Variants in SEMA4A observed in about 807,000 individuals in gnomAD.
SEMA4A encodes semaphorin 4A, also known as semaphorin-4A.
SEMA4A carries 52 observed loss-of-function variants against 72.5 expected under a neutral mutation model. That is an observed-to-expected ratio of 0.72 (90% CI 0.57 to 0.90). SEMA4A has a LOEUF of 0.90. SEMA4A is among the 40% of genes least tolerant of loss of function. The probability of loss-of-function intolerance (pLI) is 0.00; values close to 1 mark genes in which losing one functional copy is unlikely to be tolerated. For missense variants in SEMA4A, 926 were observed against 959.7 expected (o/e 0.96, Z 0.46); for synonymous variants, 369 against 393.1 (o/e 0.94, Z 0.73).
At position 156,162,989 on chromosome 1, in the gene SEMA4A, C is replaced by G; in HGVS notation, c.1029C>G (p.Leu343=). ...TRSSAVCAFS[L]LDIERVFKGK... ...GCTCTGCGGTTTGTGCCTTCTCTCT[C>G]TTGGACATTGAACGTGTCTTTAAGG... Residue 343 remains leucine (L), a synonymous_variant, in exon 10 of 15, where the codon CTC becomes CTG. Transcript: ENST00000368285. The G allele has an allele frequency of 6.2e-7, 1 of 1,614,130 alleles. No homozygotes were observed. The highest frequency in any genetic ancestry group is 8.5e-7 in the Non-Finnish European group (1 of 1,180,042).
At position 156,177,075 on chromosome 1, in the gene SEMA4A, G is replaced by T. The variant is rs1284595969; in HGVS notation, c.*78G>T. ...GCGGCCCAAGCACAGCCCTGACTAGGATGACAGCAGCACAAAAGACCACCT... is the reference window on the plus strand; with the variant it reads ...GCGGCCCAAGCACAGCCCTGACTAGTATGACAGCAGCACAAAAGACCACCT... On this transcript the variant is annotated 3_prime_UTR_variant, in exon 15 of 15. Transcript: ENST00000368285. 4 of 1,256,328 alleles carry T rather than the reference G, an allele frequency of 3.2e-6. No individual in the cohort carries two copies. In the Admixed American group the frequency reaches 7.1e-5, roughly 22 times the overall value. 77.8% of individuals were successfully genotyped at this position (1,256,328 alleles called of 1,614,324 possible).
At position 156,154,728 on chromosome 1, in the gene SEMA4A, G is replaced by A. The variant is rs773476159; in HGVS notation, c.139+11G>A. 428 of 1,576,214 alleles carry A rather than the reference G, an allele frequency of 2.7e-4. No individual in the cohort carries two copies. The highest frequency in any genetic ancestry group is 3.5e-4 in the Non-Finnish European group (411 of 1,161,000). The stretch of plus-strand genomic sequence containing the variant: ...TCAGATACTATGCAGGTAAGTGTCC[G>A]ACAGCAGGAAGTGTGGGGATAGCAA... On this transcript the variant is annotated intron_variant, in intron 2 of 14. Transcript: ENST00000368285.
chr1:156,156,877 GGCACTAGCAT>G (rs1301633707), intron 3 of SEMA4A, among the ~76,000 whole-genome samples: 1 of 151,632 alleles, frequency 6.6e-6, no homozygotes, highest in Non-Finnish European at 1.5e-5. Flanking sequence ...CCAAGTAGCT[GGCACTAGCAT>G]GCACCACCAT....
chr1:156,173,088 A>C, intron 11 of SEMA4A, 82 bp downstream of exon 11: 1 of 1,334,032 alleles, frequency 7.5e-7, no homozygotes, highest in Non-Finnish European at 1.1e-6. Flanking sequence ...CCTTGAGTTC[A>C]TTCACTTATT....
chr1:156,153,567 C>T (rs1342454299), upstream of SEMA4A: 1 of 152,384 alleles, frequency 6.6e-6, no homozygotes, highest in Non-Finnish European at 1.5e-5. Flanking sequence ...ATTCCGGTTT[C>T]CCTGGCCTAG....
intron 10 of SEMA4A, among the ~76,000 whole-genome samples, chr1:156,172,096 G>GTTTATTTA (rs71591932): frequency 4.2e-5 from 3 of 71,860 alleles, no homozygotes; most frequent in South Asian, 4.2e-4. Context: ...TTGTTTGTTT[G>GTTTATTTA]TTTATTTATT....
At chr1:156,167,475 CAAAAAAAAA>C (rs58793729) in intron 10 of SEMA4A, among the ~76,000 whole-genome samples, 1 of 103,640 alleles carries the variant, frequency 9.6e-6, no homozygotes, top group Non-Finnish European at 2.0e-5. Context: ...GACCCTGTCT[CAAAAAAAAA>C]AAAAAAAAAA....
intron 8 of SEMA4A, 38 bp from the exon 9 acceptor site, chr1:156,161,308 G>GCGGGGGGGGCCCCGGGGGCCCC: frequency 1.8e-6 from 2 of 1,082,016 alleles, no homozygotes; most frequent in Non-Finnish European, 2.5e-6. Flanking sequence ...GGGGGTCGGG[G>GCGGGGGGGGCCCCGGGGGCCCC]CGCCCGGGGC....
At chr1:156,166,815 G>A (rs1007258155) in intron 10 of SEMA4A, among the ~76,000 whole-genome samples, 1 of 152,042 alleles carries the variant, frequency 6.6e-6, no homozygotes, top group African/African-American at 2.4e-5. Context: ...TGTAGTCCCA[G>A]CTACTCCGGA....
chr1:156,161,142 C>A, intron 8 of SEMA4A, 113 bp downstream of exon 8: 1 of 808,262 alleles, frequency 1.2e-6, no homozygotes, highest in Admixed American at 2.5e-5. Flanking sequence ...GGGCGGGGAA[C>A]AAGCGGGCCT....
At position 156,160,893 on chromosome 1, in the gene SEMA4A, C is replaced by T. The variant is rs1457573898; in HGVS notation, c.686-12C>T. ...GGCTCAGTCCCTAAGCCCATCTGCCCCTCCCCCGCAGATGACGCCTCCTTT... is the reference window on the plus strand; with the variant it reads ...GGCTCAGTCCCTAAGCCCATCTGCCTCTCCCCCGCAGATGACGCCTCCTTT... On this transcript the variant is annotated splice_polypyrimidine_tract_variant and intron_variant, in intron 7 of 14. Transcript: ENST00000368285. 5 of 1,613,460 alleles carry T rather than the reference C, an allele frequency of 3.1e-6. No individual in the cohort carries two copies. The highest frequency in any genetic ancestry group is 1.3e-5 in the African/African-American group (1 of 74,784).
intron 8 of SEMA4A, 33 bp from the exon 9 acceptor site, chr1:156,161,313 C>CCCCCG: frequency 2.4e-5 from 18 of 757,758 alleles, no homozygotes; most frequent in East Asian, 1.7e-4. Context: ...TCGGGGCGCC[C>CCCCCG]GGGGCGCCCC....
chr1:156,167,475 C>CAAAAAAAAAAAAA (rs58793729), intron 10 of SEMA4A, among the ~76,000 whole-genome samples: 3 of 103,638 alleles, frequency 2.9e-5, no homozygotes, highest in Non-Finnish European at 3.9e-5. Context: ...GACCCTGTCT[C>CAAAAAAAAAAAAA]AAAAAAAAAA....
In SEMA4A at chr1:156,157,162, C is replaced by A. The variant is rs1387590185; in HGVS notation, c.300+588C>A. Among the ~76,000 whole-genome samples the A allele has an allele frequency of 6.6e-6, 1 of 151,576 alleles. No individual in the cohort carries two copies. The highest frequency in any genetic ancestry group is 1.5e-5 in the Non-Finnish European group (1 of 67,932). On this transcript the variant is annotated intron_variant, in intron 3 of 14. Transcript: ENST00000368285. The surrounding 1 kb of genome is among the most constrained non-coding windows in gnomAD (Gnocchi z 4.5). ...ATTATATCAATAATTTGATATCTAC[C>A]CACTAGTAGAAATCACTGATGCTTC...
In SEMA4A at chr1:156,172,785, G is replaced by A. The variant is rs200388285; in HGVS notation, c.1135-41G>A. ...CGTTGGAGGGAGGGTGAGCTGAGGGGAAGGGGCAAACCAACCTGATCTGCC... is the reference window on the plus strand; with the variant it reads ...CGTTGGAGGGAGGGTGAGCTGAGGGAAAGGGGCAAACCAACCTGATCTGCC... On this transcript the variant is annotated intron_variant, in intron 10 of 14. Coordinates refer to ENST00000368285, the MANE Select transcript of SEMA4A (RefSeq NM_022367.4). 191 of 1,591,660 alleles carry A rather than the reference G, an allele frequency of 1.2e-4. No homozygotes were observed. In the African/African-American group the frequency reaches 2.4e-3, roughly 20 times the overall value.
chr1:156,156,721 C>T (rs1653069688), intron 3 of SEMA4A, 147 bp downstream of exon 3: 3 of 746,914 alleles, frequency 4.0e-6, no homozygotes, highest in Non-Finnish European at 6.5e-6. Context: ...GACAATATAA[C>T]AGACAGGAAA....
At chr1:156,171,300 G>A (rs1654749746) in intron 10 of SEMA4A, among the ~76,000 whole-genome samples, 1 of 152,184 alleles carries the variant, frequency 6.6e-6, no homozygotes, top group African/African-American at 2.4e-5. Context: ...GTGTCCCAGA[G>A]CCACAGCATC....
Position 156,175,536 on chromosome 1 carries a change from T to G in SEMA4A, c.1593-20T>G. 1 of 1,593,642 alleles carries G rather than the reference T, an allele frequency of 6.3e-7. No homozygotes were observed. Among genetic ancestry groups the G allele is most frequent in the Non-Finnish European group, 8.6e-7 (1 of 1,163,592 alleles). ...TTCAGCTCTTTTGAAGGATAATTTT[T>G]ACTTTCTCTGCTCTCTTAGGAACTC... On this transcript the variant is annotated intron_variant, in intron 13 of 14. Transcript: ENST00000368285.
Position 156,172,836 on chromosome 1 carries a change from G to T in SEMA4A, c.1145G>T (p.Gly382Val). Residue 382 changes from glycine (G) to valine (V), a missense_variant, in exon 11 of 15, where the codon GGC (glycine) becomes GTC (valine). Physicochemically the swap from Gly to Val is moderately radical, Grantham distance 109. Transcript: ENST00000368285. ...TCCCTCCTCCTTTAGTGCTCAGTGG[G>T]CCCCTCCTCTGATAAGGCCCTGACC... The part of the protein sequence containing the change: ...TNPRPGSCSV[G>V]PSSDKALTFM... 3 of 1,614,114 alleles carry T rather than the reference G, an allele frequency of 1.9e-6. No individual in the cohort carries two copies. Among genetic ancestry groups the T allele is most frequent in the Non-Finnish European group, 2.5e-6 (3 of 1,180,000 alleles).
Sources: gnomAD v4.1 joint callset for allele counts (sites outside exome capture counted in the v4.1 genomes callset) on GRCh38, gnomAD v4.1.1 for gene constraint, Gnocchi (gnomAD v3.1) non-coding constraint, MANE v1.5 for transcripts, NCBI Gene and HGNC (gene_info 2026-07-23, HGNC 2026-07-21) for gene names.